MCPH1: variants seen among roughly 807,000 people sequenced by gnomAD.
MCPH1 encodes the protein microcephalin 1, also known as microcephalin.
A neutral mutation model predicts 84.5 loss-of-function variants in MCPH1; 104 were observed. The ratio of observed to expected loss-of-function variants is 1.23; its 90% CI spans 1.05 to 1.45. The LOEUF is 1.45. Among genes scored for constraint, MCPH1 ranks in the 40% most tolerant of loss-of-function variants. MCPH1 has a pLI of 0.00. For missense variants in MCPH1, 1,498 were observed against 1,005.7 expected, an observed-to-expected ratio of 1.49 and a Z score of -6.62; for synonymous variants, 514 against 366.8, an observed-to-expected ratio of 1.40 and a Z score of -4.58.
At chr8:6,478,310 C>A (rs1283066129) in intron 10 of MCPH1, among the ~76,000 whole-genome samples, 1 of 152,058 alleles carries the variant, frequency 6.6e-6, no homozygotes, top group Non-Finnish European at 1.5e-5. Flanking sequence ...AAGCACTGAT[C>A]ATCAAACACC....
intron 12 of MCPH1, among the ~76,000 whole-genome samples, chr8:6,505,671 ATACTTTACATATATAGAATATATG>A (rs1342792953): frequency 7.7e-6 from 1 of 129,416 alleles, no homozygotes; most frequent in African/African-American, 2.8e-5. Context: ...TAGAATATAT[ATACTTTACATATATAGAATATATG>A]TATTCTTTAT....
At chr8:6,456,593 G>A (rs2129556955) in intron 9 of MCPH1, among the ~76,000 whole-genome samples, 1 of 151,786 alleles carries the variant, frequency 6.6e-6, no homozygotes, top group East Asian at 1.9e-4. Flanking sequence ...CTCTGCCAGT[G>A]TCTGCCCAGG....
intron 2 of MCPH1, among the ~76,000 whole-genome samples, chr8:6,410,623 G>A (rs1798408350): frequency 6.6e-6 from 1 of 152,130 alleles, no homozygotes; most frequent in South Asian, 2.1e-4. Flanking sequence ...ACACTAAACC[G>A]ATCACTTTGA....
chr8:6,526,324 C>G (rs761322170), intron 12 of MCPH1, among the ~76,000 whole-genome samples: 1 of 145,426 alleles, frequency 6.9e-6, no homozygotes, highest in South Asian at 2.2e-4. Flanking sequence ...GTCCCAGCTA[C>G]TCAGGAGGCT....
chr8:6,465,593 G>A (rs1806785768), intron 9 of MCPH1, among the ~76,000 whole-genome samples: 1 of 152,172 alleles, frequency 6.6e-6, no homozygotes, highest in Non-Finnish European at 1.5e-5. Flanking sequence ...GGTCCTCAGA[G>A]CTTTGTTGTG....
At chr8:6,511,130 G>A (rs1265184962) in intron 12 of MCPH1, among the ~76,000 whole-genome samples, 1 of 152,100 alleles carries the variant, frequency 6.6e-6, no homozygotes, top group East Asian at 1.9e-4. Flanking sequence ...CCAGAGGCAA[G>A]AAAAATAAGG....
intron 12 of MCPH1, chr8:6,527,754 C>T: frequency 7.7e-7 from 1 of 1,296,072 alleles, no homozygotes; most frequent in Non-Finnish European, 1.1e-6. Flanking sequence ...CATTAAAGTA[C>T]CCAAGCTACA....
At chr8:6,497,218 C>T (rs146415829) in intron 11 of MCPH1, among the ~76,000 whole-genome samples, 1 of 151,938 alleles carries the variant, frequency 6.6e-6, no homozygotes, top group East Asian at 1.9e-4. Flanking sequence ...CGGTGGCTCA[C>T]ACCTATAATC....
Position 6,579,398 on chromosome 8 carries a change from G to A in MCPH1, c.2215-42056G>A, listed in dbSNP as rs73201331. Among the ~76,000 whole-genome samples, 1,489 of 152,260 alleles carry A rather than the reference G, an allele frequency of 9.8e-3. 18 individuals are homozygous for A. Among genetic ancestry groups the A allele is most frequent in the African/African-American group, 0.026 (1,087 of 41,554 alleles). On this transcript the variant is annotated intron_variant, in intron 12 of 13. Coordinates refer to ENST00000344683, the MANE Select transcript of MCPH1 (RefSeq NM_024596.5). ...GGGAAATTATGGTGGTCAGCCCTCC[G>A]CTCGGTCTCACTTTTAGATACCAGA...
chr8:6,533,709 T>C (rs971992286), intron 12 of MCPH1, among the ~76,000 whole-genome samples: 2 of 151,936 alleles, frequency 1.3e-5, no homozygotes, highest in Non-Finnish European at 2.9e-5. Flanking sequence ...GTTTATTACA[T>C]TGAATAATTG....
At chr8:6,627,134 C>G in intron 13 of MCPH1, 1 of 984,382 alleles carries the variant, frequency 1.0e-6, no homozygotes, top group Non-Finnish European at 1.2e-6. Flanking sequence ...CATCGTTTCC[C>G]CTAATGACTG....
intron 3 of MCPH1, among the ~76,000 whole-genome samples, chr8:6,430,388 T>C (rs143066767): frequency 6.6e-6 from 1 of 152,146 alleles, no homozygotes; most frequent in Non-Finnish European, 1.5e-5. Context: ...TAATGCGAGA[T>C]GAGAAAGGAA....
rs550973549 is a variant in MCPH1 at position 6,648,272 on chromosome 8, G to A, written c.*5223G>A. 6.6e-6 allele frequency: 1 copy of A among 152,328 alleles called. No homozygotes were observed. The highest frequency in any genetic ancestry group is 1.9e-4 in the East Asian group (1 of 5,180). 9.4% of individuals were successfully genotyped at this position (152,328 alleles called of 1,614,324 possible). On this transcript the variant is annotated 3_prime_UTR_variant, in exon 14 of 14. Transcript: ENST00000344683. Reference sequence around the variant, plus strand: ...GTCAGACCTCCACAGTGGCCAGAAGGTTTTCCATACCTGAGCCTGCTTCTA... The same window carrying A: ...GTCAGACCTCCACAGTGGCCAGAAGATTTTCCATACCTGAGCCTGCTTCTA...
intron 12 of MCPH1, among the ~76,000 whole-genome samples, chr8:6,579,824 G>C (rs1295590539): frequency 6.6e-6 from 1 of 152,158 alleles, no homozygotes; most frequent in African/African-American, 2.4e-5. Flanking sequence ...TCTCGTTTAT[G>C]CAGAAGTGGA....
chr8:6,524,390 G>C (rs192941913), intron 12 of MCPH1, among the ~76,000 whole-genome samples: 3 of 152,210 alleles, frequency 2.0e-5, no homozygotes, highest in Admixed American at 1.3e-4. Context: ...GAAGAGCAGA[G>C]AAACATTATT....
intron 3 of MCPH1, among the ~76,000 whole-genome samples, chr8:6,428,370 T>G (rs1480673684): frequency 1.3e-5 from 2 of 152,340 alleles, no homozygotes; most frequent in Middle Eastern, 3.4e-3. Context: ...TATAATCTTA[T>G]GTGATCACTG....
chr8:6,489,965 A>G (rs1424962281), intron 11 of MCPH1, among the ~76,000 whole-genome samples: 2 of 152,210 alleles, frequency 1.3e-5, no homozygotes, highest in Non-Finnish European at 2.9e-5. Flanking sequence ...GTTGCCACCC[A>G]TCCTTTTCCA....
chr8:6,522,063 A>C lies in MCPH1; in HGVS notation c.2214+22134A>C, dbSNP rs56405992. Reference sequence around the variant, plus strand: ...GTGTGAGGAACAAATGGGTTTTAAAATGTAAATGCTGGCCGGGCGCAGTGG... The same window carrying C: ...GTGTGAGGAACAAATGGGTTTTAAACTGTAAATGCTGGCCGGGCGCAGTGG... On this transcript the variant is annotated intron_variant, in intron 12 of 13. Coordinates refer to ENST00000344683, the MANE Select transcript of MCPH1 (RefSeq NM_024596.5). Among the ~76,000 whole-genome samples the C allele has an allele frequency of 7.9e-5, 12 of 152,214 alleles. No individual in the cohort carries two copies. The South Asian group carries it at 2.5e-3, about 32-fold the overall frequency.
chr8:6,480,653 G>GCTTT, intron 10 of MCPH1, 61 bp from the exon 11 acceptor site: 1 of 1,591,150 alleles, frequency 6.3e-7, no homozygotes, highest in Non-Finnish European at 8.6e-7. Context: ...GAGTGTAACT[G>GCTTT]CTTTGATGGG....
Sources: gnomAD v4.1 joint callset for allele counts (sites outside exome capture counted in the v4.1 genomes callset) on GRCh38, gnomAD v4.1.1 for gene constraint, MANE v1.5 for transcripts, NCBI Gene and HGNC (gene_info 2026-07-23, HGNC 2026-07-21) for gene names.